Variants in ATXN2 observed in about 807,000 individuals in gnomAD.
ATXN2 encodes ataxin 2.
In ATXN2, 37 loss-of-function variants were observed where a neutral mutation model predicts 138.6. The observed-to-expected ratio is 0.27, with a 90% CI of 0.21 to 0.35. The LOEUF is 0.35. ATXN2 is among the 10% of genes least tolerant of loss of function. ATXN2 has a pLI of 1.00. For synonymous variants in ATXN2, 549 were observed against 543.7 expected, an observed-to-expected ratio of 1.01 and a Z score of -0.13; for missense variants, 1,216 against 1,480.3, an observed-to-expected ratio of 0.82 and a Z score of 2.93.
chr12:111,507,590 C>G (rs1879236585), intron 14 of ATXN2, among the ~76,000 whole-genome samples: 1 of 150,664 alleles, frequency 6.6e-6, no homozygotes, highest in African/African-American at 2.4e-5. Context: ...GTGGGGGGCA[C>G]CTCTGCCCGG....
chr12:111,468,294 T>A (rs769132082), intron 20 of ATXN2: 2 of 152,226 alleles, frequency 1.3e-5, no homozygotes, highest in Non-Finnish European at 2.9e-5. Context: ...CCAAGTTAGT[T>A]TGTCAGTATC....
At chr12:111,588,637 A>G (rs1244611893) in intron 1 of ATXN2, among the ~76,000 whole-genome samples, 1 of 151,864 alleles carries the variant, frequency 6.6e-6, no homozygotes, top group Non-Finnish European at 1.5e-5. Context: ...AAAAAGAAAA[A>G]AAAAAAGTTA....
intron 20 of ATXN2, 124 bp from the exon 21 acceptor site, chr12:111,464,839 T>C (rs568919181): frequency 4.1e-6 from 3 of 729,602 alleles, no homozygotes; most frequent in African/African-American, 3.5e-5. Context: ...TCATAAGAGA[T>C]GACAAGCACT....
At chr12:111,574,151 C>CA (rs913213321) in intron 1 of ATXN2, among the ~76,000 whole-genome samples, 5 of 150,672 alleles carry the variant, frequency 3.3e-5, no homozygotes, top group African/African-American at 1.2e-4. Context: ...ACCAAAAATA[C>CA]AAAAAAATTA....
chr12:111,544,302 A>G (rs1881692464), intron 5 of ATXN2, among the ~76,000 whole-genome samples: 1 of 152,178 alleles, frequency 6.6e-6, no homozygotes, highest in Non-Finnish European at 1.5e-5. Context: ...GGATGACTAT[A>G]TATGTAAGAC....
chr12:111,526,337 A>C (rs1290064189), intron 5 of ATXN2, among the ~76,000 whole-genome samples: 1 of 151,714 alleles, frequency 6.6e-6, no homozygotes, highest in African/African-American at 2.4e-5. Flanking sequence ...GCCTGGCGAC[A>C]GAGTGAGACC....
chr12:111,473,791 A>G (rs975761166), intron 18 of ATXN2, among the ~76,000 whole-genome samples: 10 of 152,092 alleles, frequency 6.6e-5, no homozygotes, highest in Non-Finnish European at 8.8e-5. Context: ...CAATCTGATC[A>G]AGCCTTCATT....
intron 2 of ATXN2, 66 bp from the exon 3 acceptor site, chr12:111,554,283 T>C: frequency 2.6e-6 from 3 of 1,143,222 alleles, no homozygotes; most frequent in Non-Finnish European, 3.5e-6. Flanking sequence ...TCATCTAAAA[T>C]GCTTGGGACC....
chr12:111,509,573 T>C lies in ATXN2; in HGVS notation c.1911A>G (p.Leu637=). The C allele has an allele frequency of 6.7e-7, 1 of 1,485,586 alleles. No individual in the cohort carries two copies. Among genetic ancestry groups the C allele is most frequent in the Non-Finnish European group, 9.3e-7 (1 of 1,079,234 alleles). 92.0% of individuals were successfully genotyped at this position (1,485,586 alleles called of 1,614,324 possible). ...VSEHRKQIDD[L]KKFKNDFRLQ... is the part of the protein sequence containing the mutation. ...CCCTAAAATCATTCTTAAATTTCTT[T>C]AAATCATCAATCTGTTTTCTATGTT... is the stretch of plus-strand genomic sequence containing the variant. The change falls in exon 14 of 25, where the codon TTA becomes TTG. Residue 637 remains leucine, a synonymous_variant. Coordinates refer to ENST00000673436, the MANE Select transcript of ATXN2 (RefSeq NM_001372574.1).
rs764431247 is a variant in ATXN2 at position 111,509,963 on chromosome 12, A to C, written c.1792T>G (p.Ser598Ala). Residue 598 changes from serine to alanine, a missense_variant, in exon 13 of 25, where the codon TCT becomes GCT. Physicochemically the swap from Ser to Ala is moderately conservative, Grantham distance 99. Around this residue, in one of 4 missense-constraint regions of ATXN2, gnomAD observed 215 missense variants for 210.0 expected, o/e 1.02. Coordinates refer to ENST00000673436, the MANE Select transcript of ATXN2 (RefSeq NM_001372574.1). ...ATATTTTCTTTATTCCCTGCAGGAG[A>C]GTTCTGCCTCTGATCTTGAAGCCTG... ...DSRLQDQRQN[S>A]PAGNKENIKP... 1 of 1,612,082 alleles carries C rather than the reference A, an allele frequency of 6.2e-7. No individual in the cohort carries two copies. Among genetic ancestry groups the C allele is most frequent in the Non-Finnish European group, 8.5e-7 (1 of 1,179,222 alleles).
At chr12:111,460,809 G>A (rs1875522019) in intron 21 of ATXN2, among the ~76,000 whole-genome samples, 1 of 152,030 alleles carries the variant, frequency 6.6e-6, no homozygotes, top group African/African-American at 2.4e-5. Context: ...TTTTTACTAT[G>A]CATTTTTAAA....
chr12:111,599,072 G>A lies in ATXN2; in HGVS notation c.-38C>T, dbSNP rs761865968. 2 of 1,422,956 alleles carry A rather than the reference G, an allele frequency of 1.4e-6. No homozygotes were observed. The highest frequency in any genetic ancestry group is 1.4e-5 in the South Asian group (1 of 70,950). The allele number at this position is 1,422,956 out of a possible 1,614,324, so 88.1% of individuals were successfully genotyped here. A position where few individuals can be genotyped will look rare whatever the true frequency, so the allele number is the denominator to read the frequency against. On this transcript the variant is annotated 5_prime_UTR_variant, in exon 1 of 25. Transcript: ENST00000673436. ...ATACACCGGCTCGCACGCCGGGCGG[G>A]GACAGCCGGGAGCCGGGCGCGCCAA...
At chr12:111,475,279 G>A (rs1876718310) in intron 18 of ATXN2, among the ~76,000 whole-genome samples, 1 of 146,522 alleles carries the variant, frequency 6.8e-6, no homozygotes, top group African/African-American at 2.6e-5. Context: ...CAGAGGGGGA[G>A]GTTGCAGTGA....
At chr12:111,572,524 G>C (rs551302747) in intron 1 of ATXN2, among the ~76,000 whole-genome samples, 2 of 152,182 alleles carry the variant, frequency 1.3e-5, no homozygotes, top group African/African-American at 2.4e-5. Context: ...TTTAAGCAGA[G>C]GGGTAACCCA....
rs771196268 is a variant in ATXN2 at position 111,598,946 on chromosome 12, G to GGCGGCT, written c.83_88dup (p.Gln28_Pro29dup). 2.3e-5 allele frequency: 32 copies of GGCGGCT among 1,421,404 alleles called. No individual in the cohort carries two copies. In the East Asian group the frequency reaches 5.3e-4, roughly 23 times the overall value. 88.0% of individuals were successfully genotyped at this position (1,421,404 alleles called of 1,614,324 possible). On this transcript the variant is annotated inframe_insertion, in exon 1 of 25. Coordinates refer to ENST00000673436, the MANE Select transcript of ATXN2 (RefSeq NM_001372574.1). The surrounding 1 kb of genome is among the most constrained non-coding windows in gnomAD (Gnocchi z 4.5). Reference sequence around the variant, plus strand: ...CTTGCGGACATTGGCAGCCGCGGGCGGCGGCTGCTGCTGCTGCTGCTGCTG... The same window carrying GGCGGCT: ...CTTGCGGACATTGGCAGCCGCGGGCGGCGGCTGCGGCTGCTGCTGCTGCTGCTGCTG...
intron 14 of ATXN2, among the ~76,000 whole-genome samples, chr12:111,503,551 AT>A (rs923799742): frequency 4.0e-5 from 6 of 151,090 alleles, no homozygotes; most frequent in African/African-American, 4.9e-5. Context: ...TCACTCTTTT[AT>A]TTTTTTTTAA....
chr12:111,470,581 G>A lies in ATXN2; in HGVS notation c.2686C>T (p.His896Tyr). The A allele has an allele frequency of 6.2e-7, 1 of 1,614,146 alleles. No homozygotes were observed. Among genetic ancestry groups the A allele is most frequent in the Non-Finnish European group, 8.5e-7 (1 of 1,180,024 alleles). The change falls in exon 19 of 25, where the codon CAT (histidine) becomes TAT (tyrosine). Residue 896 changes from histidine to tyrosine, a missense_variant. Physicochemically the swap from His to Tyr is moderately conservative, Grantham distance 83. Around this residue, in one of 4 missense-constraint regions of ATXN2, gnomAD observed 490 missense variants for 653.5 expected, o/e 0.75. Coordinates refer to ENST00000673436, the MANE Select transcript of ATXN2 (RefSeq NM_001372574.1). ...QQFPNQPLVQ[H>Y]VPHYQSQHPH... ...ACCTGAGACTGATAATGTGGCACAT[G>A]CTGAACAAGGGGCTGATTTGGGAAC...
intron 18 of ATXN2, among the ~76,000 whole-genome samples, chr12:111,477,081 G>A (rs1876870894): frequency 1.3e-5 from 2 of 151,596 alleles, no homozygotes; most frequent in African/African-American, 4.9e-5. Context: ...AGTGGCTCAT[G>A]CCTGTAATCC....
chr12:111,585,862 G>C (rs1362204375), intron 1 of ATXN2, among the ~76,000 whole-genome samples: 4 of 141,466 alleles, frequency 2.8e-5, no homozygotes, highest in East Asian at 2.2e-4. Context: ...TTGAGCTCTT[G>C]TGTCTGTTTT....
Sources: gnomAD v4.1 joint callset for allele counts (sites outside exome capture counted in the v4.1 genomes callset) on GRCh38, gnomAD v4.1.1 for gene constraint, gnomAD v4.1.1 regional missense constraint, Gnocchi (gnomAD v3.1) non-coding constraint, MANE v1.5 for transcripts, NCBI Gene and HGNC (gene_info 2026-07-23, HGNC 2026-07-21) for gene names.